The following SASH1 variants were observed in gnomAD, a reference collection of about 807,000 sequenced individuals.
SASH1 encodes SAM and SH3 domain-containing protein 1.
SASH1 carries 44 observed loss-of-function variants against 125.2 expected under a neutral mutation model. That is an observed-to-expected ratio of 0.35 (90% CI 0.28 to 0.45). The LOEUF (loss-of-function observed/expected upper bound fraction) is 0.45. Ranked by LOEUF, SASH1 falls within the 20% of genes least tolerant of loss-of-function variation. SASH1 has a pLI of 1.00. For missense variants in SASH1, 1,426 were observed against 1,614.5 expected (o/e 0.88, Z 2.00); for synonymous variants, 639 against 649.1 (o/e 0.98, Z 0.24).
At chr6:148,224,071 A>T in the SASH1 span, among the ~76,000 whole-genome samples, 1 of 152,192 alleles carries the variant, frequency 6.6e-6, no homozygotes, top group Admixed American at 6.5e-5. Flanking sequence ...AGGCAGGAGG[A>T]TCACTTGAGG....
At chr6:148,345,261 T>TTTGC (rs1781486123) in intron 1 of SASH1, among the ~76,000 whole-genome samples, 1 of 152,066 alleles carries the variant, frequency 6.6e-6, no homozygotes, top group South Asian at 2.1e-4. Flanking sequence ...TTTCTGCAGA[T>TTTGC]TTGCTTTCCC....
intron 4 of SASH1, among the ~76,000 whole-genome samples, chr6:148,466,284 T>C (rs1231928628): frequency 6.6e-6 from 1 of 152,204 alleles, no homozygotes; most frequent in African/African-American, 2.4e-5. Flanking sequence ...TCTCCCTTAG[T>C]TTACAATAGA....
intron 2 of SASH1, among the ~76,000 whole-genome samples, chr6:148,425,998 C>G (rs1208303823): frequency 1.3e-5 from 2 of 152,000 alleles, no homozygotes; most frequent in African/African-American, 4.8e-5. Flanking sequence ...CACCTGAGGT[C>G]AGGAGTTCGA....
In SASH1 at chr6:148,549,406, TGTGCGTGC is replaced by T. The variant is rs901919909; in HGVS notation, c.*858_*865del. 8 of 388,050 alleles carry T rather than the reference TGTGCGTGC, an allele frequency of 2.1e-5. 1 individual carries two copies. The highest frequency in any genetic ancestry group is 1.1e-4 in the East Asian group (3 of 27,614). 24.0% of individuals were successfully genotyped at this position (388,050 alleles called of 1,614,324 possible). ...ATCTGAAATTCACAAATATCATGTG[TGTGCGTGC>T]GTGCGTGCGCGTGTGTGTCTGTATT... On this transcript the variant is annotated 3_prime_UTR_variant, in exon 20 of 20. Transcript: ENST00000367467.
chr6:148,539,354 C>T (rs1229969428), intron 16 of SASH1, among the ~76,000 whole-genome samples: 1 of 151,984 alleles, frequency 6.6e-6, no homozygotes, highest in African/African-American at 2.4e-5. Context: ...CCTAGACTCC[C>T]CCCACCCTTC....
chr6:148,337,007 T>C (rs1314855971), intron 1 of SASH1, among the ~76,000 whole-genome samples: 2 of 152,200 alleles, frequency 1.3e-5, no homozygotes, highest in Non-Finnish European at 2.9e-5. Context: ...CCACAACTTG[T>C]AGACTAATGG....
At chr6:148,348,136 A>G (rs1781579319) in intron 1 of SASH1, among the ~76,000 whole-genome samples, 1 of 151,986 alleles carries the variant, frequency 6.6e-6, no homozygotes, top group Admixed American at 6.6e-5. Flanking sequence ...CCTCCCAAGT[A>G]GCTGGGATTA....
intron 8 of SASH1, 132 bp downstream of exon 8, chr6:148,487,847 T>C: frequency 7.0e-6 from 4 of 571,058 alleles, no homozygotes; most frequent in East Asian, 6.3e-5. Flanking sequence ...TCTGTTCATA[T>C]AGATTGCTTA....
Position 148,324,121 on chromosome 6 carries a change from A to AAAAAAAAAC in SASH1, n.74+51752_74+51753insCAAAAAAAA, listed in dbSNP as rs1354648498. On this transcript the variant is annotated intron_variant and non_coding_transcript_variant, in intron 1 of 3. Transcript: ENST00000367469. ...GTGACAGAGCAAGAATCTGTCTCAA[A>AAAAAAAAAC]AAAAAAAAAAAAAAACAAGCATAAG... Among the ~76,000 whole-genome samples, 19 of 148,568 alleles carry AAAAAAAAAC rather than the reference A, an allele frequency of 1.3e-4. 1 individual carries two copies. The highest frequency in any genetic ancestry group is 4.7e-4 in the African/African-American group (19 of 40,192).
At chr6:148,316,342 T>C (rs1354787086) in intron 1 of SASH1, among the ~76,000 whole-genome samples, 1 of 152,178 alleles carries the variant, frequency 6.6e-6, no homozygotes, top group Admixed American at 6.5e-5. Flanking sequence ...GCCTCTTTAT[T>C]TGTAATGCAC....
At chr6:148,462,040 T>A (rs984635932) in intron 4 of SASH1, among the ~76,000 whole-genome samples, 3 of 152,066 alleles carry the variant, frequency 2.0e-5, no homozygotes, top group East Asian at 1.9e-4. Context: ...CTTTTTTTTT[T>A]AAATGGTGGA....
At chr6:148,395,794 T>C (rs1783925431) in intron 2 of SASH1, among the ~76,000 whole-genome samples, 1 of 152,192 alleles carries the variant, frequency 6.6e-6, no homozygotes, top group African/African-American at 2.4e-5. Flanking sequence ...GCTTTCCAAG[T>C]CCATAATGGT....
chr6:148,305,078 C>T (rs776146561), intron 1 of SASH1, among the ~76,000 whole-genome samples: 1 of 152,158 alleles, frequency 6.6e-6, no homozygotes, highest in Non-Finnish European at 1.5e-5. Flanking sequence ...CTACTCAGTT[C>T]CTGAATACAC....
rs1562467709 is a variant in SASH1 at position 148,508,870 on chromosome 6, C to CGAA, written c.730-5452_730-5450dup. 3 of 1,286,146 alleles carry CGAA rather than the reference C, an allele frequency of 2.3e-6. No homozygotes were observed. In the East Asian group the frequency reaches 1.7e-4, roughly 71 times the overall value. The allele number at this position is 1,286,146 out of a possible 1,614,324, so 79.7% of individuals were successfully genotyped here. A position where few individuals can be genotyped will look rare whatever the true frequency, so the allele number is the denominator to read the frequency against. On this transcript the variant is annotated intron_variant, in intron 8 of 19. Transcript: ENST00000367467. ...ATTACCCCTTAGGCTTGCTAAATGC[C>CGAA]GAAGCCGGTAAGTCACTGAATGCGT... is the stretch of plus-strand genomic sequence containing the variant.
At chr6:148,359,455 C>T (rs1782101840) in intron 1 of SASH1, among the ~76,000 whole-genome samples, 1 of 151,934 alleles carries the variant, frequency 6.6e-6, no homozygotes. Context: ...TGAATTGCTG[C>T]AATCTCATGA....
At chr6:148,254,238 T>C in the SASH1 span, among the ~76,000 whole-genome samples, 1 of 151,674 alleles carries the variant, frequency 6.6e-6, no homozygotes, top group Admixed American at 6.6e-5. Flanking sequence ...AAATAGAATA[T>C]AACGCATTAG....
intron 1 of SASH1, among the ~76,000 whole-genome samples, chr6:148,308,280 C>G (rs1582946241): frequency 6.6e-6 from 1 of 151,912 alleles, no homozygotes; most frequent in East Asian, 1.9e-4. Context: ...ATCCGCCCCC[C>G]CCAAAAATGT....
intron 19 of SASH1, among the ~76,000 whole-genome samples, chr6:148,547,077 C>T (rs1169004014): frequency 6.6e-6 from 1 of 152,088 alleles, no homozygotes; most frequent in East Asian, 1.9e-4. Flanking sequence ...TTAGGAACCT[C>T]AGCATACAAT....
At chr6:148,424,301 G>A (rs1775710900) in intron 2 of SASH1, among the ~76,000 whole-genome samples, 1 of 151,482 alleles carries the variant, frequency 6.6e-6, no homozygotes, top group African/African-American at 2.4e-5. Context: ...GTGCGGTGGC[G>A]CAATCTCAGC....
Sources: gnomAD v4.1 joint callset for allele counts (sites outside exome capture counted in the v4.1 genomes callset) on GRCh38, gnomAD v4.1.1 for gene constraint, MANE v1.5 for transcripts, NCBI Gene and HGNC (gene_info 2026-07-23, HGNC 2026-07-21) for gene names.